TEX38: variants seen among roughly 807,000 people sequenced by gnomAD.
TEX38 encodes the protein testis-expressed protein 38.
A neutral mutation model predicts 2.7 loss-of-function variants in TEX38; 5 were observed. The observed-to-expected ratio is 1.86, with a 90% CI of 0.97 to 3.90. The LOEUF (loss-of-function observed/expected upper bound fraction) is 3.90, where lower values mean the gene tolerates loss of function less well. TEX38 is among the 30% of genes most tolerant of loss of function. The pLI is 0.00. For synonymous variants in TEX38, 110 were observed against 103.3 expected (o/e 1.06, Z -0.39); for missense variants, 218 against 247.9 (o/e 0.88, Z 0.81).
upstream of TEX38, among the ~76,000 whole-genome samples, chr1:46,669,898 G>T (rs1557432510): frequency 6.6e-6 from 1 of 152,156 alleles, no homozygotes; most frequent in Non-Finnish European, 1.5e-5. Context: ...CTTAGGCCTT[G>T]GTTAAGGACT....
At position 46,671,857 on chromosome 1, in the gene TEX38, T is replaced by C. The variant is rs1003121525; in HGVS notation, c.-78T>C. 8.3e-6 allele frequency: 12 copies of C among 1,452,294 alleles called. No homozygotes were observed. Among genetic ancestry groups the C allele is most frequent in the Non-Finnish European group, 1.1e-5 (12 of 1,056,642 alleles). The allele number at this position is 1,452,294 out of a possible 1,614,324, so 90.0% of individuals were successfully genotyped here. ...TGGAGACTCTGATTGGCTGGGCAGA[T>C]GGGCTGACTGGCTGGGCAGATGGGT... On this transcript the variant is annotated 5_prime_UTR_variant, in exon 1 of 2. The change abolishes an upstream ATG in the 5' untranslated region. Coordinates refer to ENST00000334122, the MANE Select transcript of TEX38 (RefSeq NM_001145474.4).
upstream of TEX38, chr1:46,669,462 A>G (rs1483622676): frequency 6.6e-6 from 3 of 455,928 alleles, no homozygotes; most frequent in Non-Finnish European, 1.3e-5. Context: ...CTCATCATCT[A>G]AGGGCTCAGT....
rs770465669 is a variant in TEX38, at chr1:46,671,959, C to T, written c.25C>T (p.Arg9Cys). ...TATGGATTCCCAACAGGAGGACCTG[C>T]GCTTCCCTGGGAGTAAGTGCTCCTC... The part of the protein sequence containing the change: MDSQQEDL[R>C]FPGMWVSLYF... Residue 9 changes from arginine to cysteine, a missense_variant, in exon 1 of 2, where the codon CGC becomes TGC. Physicochemically the swap from Arg to Cys is radical, Grantham distance 180. Transcript: ENST00000334122. 1.2e-4 allele frequency: 188 copies of T among 1,542,392 alleles called. No individual in the cohort carries two copies. The highest frequency in any genetic ancestry group is 1.5e-4 in the Non-Finnish European group (167 of 1,141,742).
At chr1:46,670,997 A>G (rs1250106338), upstream of TEX38, among the ~76,000 whole-genome samples, 1 of 152,126 alleles carries the variant, frequency 6.6e-6, no homozygotes, top group Admixed American at 6.5e-5. Flanking sequence ...GTGGGGAAAA[A>G]TCTACCCCCA....
rs1243285973 is a variant in TEX38, at chr1:46,673,432, C to T, written c.597C>T (p.Ala199=). 6.4e-7 allele frequency: 1 copy of T among 1,551,028 alleles called. No individual in the cohort carries two copies. Among genetic ancestry groups the T allele is most frequent in the Non-Finnish European group, 8.7e-7 (1 of 1,146,498 alleles). The change falls in exon 2 of 2, where the codon GCC becomes GCT. Residue 199 remains alanine (A), a synonymous_variant. Coordinates refer to ENST00000334122, the MANE Select transcript of TEX38 (RefSeq NM_001145474.4). ...CCCAGGAAGACCATAGCTTCAATGC[C>T]AAGCCTTTTCCTTCAGAACTGTAGC... is the stretch of plus-strand genomic sequence containing the variant. ...NLAQEDHSFN[A]KPFPSEL is the part of the protein sequence containing the mutation.
At chr1:46,671,648 A>G, upstream of TEX38, 1 of 439,714 alleles carries the variant, frequency 2.3e-6, no homozygotes, top group Non-Finnish European at 4.2e-6. Context: ...GGGTAGGTAC[A>G]GACAATTCAA....
chr1:46,673,546 G>A lies in TEX38; in HGVS notation c.*90G>A. Reference sequence around the variant, plus strand: ...AGGAAGGTGGTATTGACAGAGGTCAGGACCCACCTGGATGTCATGCTATGA... The same window carrying A: ...AGGAAGGTGGTATTGACAGAGGTCAAGACCCACCTGGATGTCATGCTATGA... On this transcript the variant is annotated 3_prime_UTR_variant, in exon 2 of 2. Coordinates refer to ENST00000334122, the MANE Select transcript of TEX38 (RefSeq NM_001145474.4). The A allele has an allele frequency of 9.4e-7, 1 of 1,064,022 alleles. No homozygotes were observed. The highest frequency in any genetic ancestry group is 1.3e-6 in the Non-Finnish European group (1 of 769,428). The allele number at this position is 1,064,022 out of a possible 1,614,324, so 65.9% of individuals were successfully genotyped here.
At position 46,673,275 on chromosome 1, in the gene TEX38, T is replaced by G. The variant is rs1569660845; in HGVS notation, c.440T>G (p.Leu147Arg). Residue 147 changes from leucine (L) to arginine (R), a missense_variant, in exon 2 of 2, where the codon CTT becomes CGT. Coordinates refer to ENST00000334122, the MANE Select transcript of TEX38 (RefSeq NM_001145474.4). ...QQPQARSPFPLPIFQEVPFAP... is the reference protein window; with the variant it reads ...QQPQARSPFPRPIFQEVPFAP... ...CCCCAGGCCAGATCCCCATTCCCAC[T>G]TCCCATCTTTCAGGAGGTGCCCTTT... 1.9e-6 allele frequency: 3 copies of G among 1,551,652 alleles called. No homozygotes were observed. The highest frequency in any genetic ancestry group is 1.7e-6 in the Non-Finnish European group (2 of 1,146,972).
At position 46,671,917 on chromosome 1, in the gene TEX38, G is replaced by A. The variant is rs1294775168; in HGVS notation, c.-18G>A. 6.4e-7 allele frequency: 1 copy of A among 1,551,240 alleles called. No individual in the cohort carries two copies. Among genetic ancestry groups the A allele is most frequent in the Admixed American group, 2.0e-5 (1 of 50,966 alleles). ...CCCTCTCCCCAGAGCCATCGGCCAGGTACCAAAGCTCAGCTGTATGGATTC... is the reference window on the plus strand; with the variant it reads ...CCCTCTCCCCAGAGCCATCGGCCAGATACCAAAGCTCAGCTGTATGGATTC... On this transcript the variant is annotated 5_prime_UTR_variant, in exon 1 of 2. Transcript: ENST00000334122.
intron 1 of TEX38, among the ~76,000 whole-genome samples, 152 bp from the exon 2 acceptor site, chr1:46,672,721 G>A (rs906404150): frequency 1.3e-5 from 2 of 152,230 alleles, no homozygotes; most frequent in Non-Finnish European, 1.5e-5. Flanking sequence ...GAATGATGAG[G>A]CAAGTCAATA....
upstream of TEX38, among the ~76,000 whole-genome samples, chr1:46,670,073 A>T (rs1676561569): frequency 1.3e-5 from 2 of 152,206 alleles, no homozygotes; most frequent in African/African-American, 2.4e-5. Flanking sequence ...CAGTTTGCCT[A>T]GGACTTTCTT....
At chr1:46,669,103 C>G (rs755727880), upstream of TEX38, 1 of 211,952 alleles carries the variant, frequency 4.7e-6, no homozygotes, top group South Asian at 8.4e-5. Flanking sequence ...TCTTCCTTAC[C>G]GTCTGAACCA....
At position 46,673,052 on chromosome 1, in the gene TEX38, C is replaced by A. The variant is rs878893673; in HGVS notation, c.217C>A (p.Arg73=). ...SPLLYWINKR[R]RYGMNAAINT... Reference sequence around the variant, plus strand: ...ATTGTTGTACTGGATTAACAAGCGACGGCGCTACGGCATGAATGCAGCCAT... The same window carrying A: ...ATTGTTGTACTGGATTAACAAGCGAAGGCGCTACGGCATGAATGCAGCCAT... The change falls in exon 2 of 2, where the codon CGG becomes AGG. Residue 73 remains arginine, a synonymous_variant. Transcript: ENST00000334122. 2 of 1,551,634 alleles carry A rather than the reference C, an allele frequency of 1.3e-6. No homozygotes were observed. Among genetic ancestry groups the A allele is most frequent in the Non-Finnish European group, 1.7e-6 (2 of 1,147,016 alleles).
chr1:46,669,852 G>C (rs1360062864), upstream of TEX38, among the ~76,000 whole-genome samples: 1 of 152,208 alleles, frequency 6.6e-6, no homozygotes, highest in Non-Finnish European at 1.5e-5. Flanking sequence ...CAGCAGAAAT[G>C]AGACCAAGAA....
chr1:46,672,468 G>A (rs1041083383), intron 1 of TEX38, among the ~76,000 whole-genome samples: 1 of 152,082 alleles, frequency 6.6e-6, no homozygotes, highest in East Asian at 1.9e-4. Flanking sequence ...TGGACTTGAA[G>A]TCCTGACCTC....
Position 46,673,487 on chromosome 1 carries a change from A to G in TEX38, c.*31A>G, listed in dbSNP as rs971511137. 68 of 1,510,960 alleles carry G rather than the reference A, an allele frequency of 4.5e-5. No individual in the cohort carries two copies. Among genetic ancestry groups the G allele is most frequent in the Non-Finnish European group, 5.1e-5 (57 of 1,123,254 alleles). 93.6% of individuals were successfully genotyped at this position (1,510,960 alleles called of 1,614,324 possible). A position where few individuals can be genotyped will look rare whatever the true frequency, so the allele number is the denominator to read the frequency against. ...TCTCACTGAAGGTGGGAGCTGCAGG[A>G]ATCAGGTGCAGAGTAGGAAATGGAA... On this transcript the variant is annotated 3_prime_UTR_variant, in exon 2 of 2. Transcript: ENST00000334122.
In TEX38 at chr1:46,673,338, ACT is replaced by A. The variant is rs902613543; in HGVS notation, c.506_507del (p.Ser169CysfsTer10). The stretch of plus-strand genomic sequence containing the variant: ...TGCAACCTACCCCCCCTGCTGAACC[ACT>A]CTGTCTCCTATCCTTTGGCCACCTG... On this transcript the variant is annotated frameshift_variant, in exon 2 of 2. Coordinates refer to ENST00000334122, the MANE Select transcript of TEX38 (RefSeq NM_001145474.4). LOFTEE classifies it high-confidence loss of function. 8.4e-6 allele frequency: 13 copies of A among 1,550,942 alleles called. No homozygotes were observed. Among genetic ancestry groups the A allele is most frequent in the East Asian group, 2.4e-5 (1 of 40,868 alleles).
At chr1:46,671,302 C>T (rs1390868753), upstream of TEX38, among the ~76,000 whole-genome samples, 1 of 152,132 alleles carries the variant, frequency 6.6e-6, no homozygotes, top group Non-Finnish European at 1.5e-5. Context: ...GGAAGTAAGG[C>T]TGGAAGTAGA....
Position 46,673,564 on chromosome 1 carries a change from T to G in TEX38, c.*108T>G. On this transcript the variant is annotated 3_prime_UTR_variant, in exon 2 of 2. Coordinates refer to ENST00000334122, the MANE Select transcript of TEX38 (RefSeq NM_001145474.4). Reference sequence around the variant, plus strand: ...GAGGTCAGGACCCACCTGGATGTCATGCTATGAAACATTAAAAGAAAAAAA... The same window carrying G: ...GAGGTCAGGACCCACCTGGATGTCAGGCTATGAAACATTAAAAGAAAAAAA... The G allele has an allele frequency of 1.1e-6, 1 of 898,370 alleles. No homozygotes were observed. Among genetic ancestry groups the G allele is most frequent in the African/African-American group, 1.7e-5 (1 of 59,558 alleles). The allele number at this position is 898,370 out of a possible 1,614,324, so 55.6% of individuals were successfully genotyped here. A position where few individuals can be genotyped will look rare whatever the true frequency, so the allele number is the denominator to read the frequency against.
Sources: allele counts gnomAD v4.1 joint callset (sites outside exome capture counted in the v4.1 genomes callset), GRCh38; gene constraint gnomAD v4.1.1; transcripts MANE v1.5; gene names NCBI Gene and HGNC (gene_info 2026-07-23, HGNC 2026-07-21).